The following PID1 variants were observed in gnomAD, a reference collection of about 807,000 sequenced individuals.
PID1 encodes the protein PTB-containing, cubilin and LRP1-interacting protein.
PID1 carries 10 observed loss-of-function variants against 19.1 expected under a neutral mutation model. The observed-to-expected ratio is 0.52, with a 90% CI of 0.32 to 0.89. The LOEUF (loss-of-function observed/expected upper bound fraction) is 0.89. Ranked by LOEUF, PID1 falls within the 40% of genes least tolerant of loss-of-function variation. The pLI is 0.03. For synonymous variants in PID1, 130 were observed against 116.0 expected (o/e 1.12, Z -0.78); for missense variants, 248 against 285.3 (o/e 0.87, Z 0.94).
At chr2:229,129,413 C>CA (rs370442954) in intron 2 of PID1, among the ~76,000 whole-genome samples, 23,765 of 110,326 alleles carry the variant, frequency 0.22, 2,287 homozygotes, top group Middle Eastern at 0.3. Context: ...GACTCCATCT[C>CA]AAAAAAAAAA....
chr2:229,051,829 A>G (rs1694002809), intron 2 of PID1, among the ~76,000 whole-genome samples: 1 of 152,128 alleles, frequency 6.6e-6, no homozygotes, highest in Non-Finnish European at 1.5e-5. Flanking sequence ...TCAGCTCCCA[A>G]TTCTCTTTCT....
intron 2 of PID1, among the ~76,000 whole-genome samples, chr2:229,119,189 T>C (rs1169066255): frequency 6.6e-6 from 1 of 152,254 alleles, no homozygotes; most frequent in African/African-American, 2.4e-5. Context: ...TGGTATTATT[T>C]GCATGCAGCA....
intron 1 of PID1, among the ~76,000 whole-genome samples, chr2:229,172,084 A>G (rs1013465278): frequency 3.3e-5 from 5 of 152,166 alleles, no homozygotes; most frequent in African/African-American, 1.2e-4. Flanking sequence ...GTCTCAGCAA[A>G]TTACAACAGC....
intron 2 of PID1, among the ~76,000 whole-genome samples, chr2:229,050,191 C>A (rs1284157383): frequency 6.6e-6 from 1 of 152,188 alleles, no homozygotes; most frequent in Non-Finnish European, 1.5e-5. Flanking sequence ...TCTTAGCCAA[C>A]CATACAAAAG....
chr2:229,048,882 G>A (rs1264705995), intron 2 of PID1, among the ~76,000 whole-genome samples: 5 of 152,080 alleles, frequency 3.3e-5, no homozygotes, highest in African/African-American at 1.2e-4. Flanking sequence ...CTGTGATTTT[G>A]CTGGGGTTTG....
rs564651212 is a variant in PID1 at position 229,229,202 on chromosome 2, C to T, written c.30+41812G>A. 7.2e-5 allele frequency among the ~76,000 whole-genome samples: 11 copies of T among 152,206 alleles called. No homozygotes were observed. The South Asian group carries it at 2.3e-3, about 32-fold the overall frequency. On this transcript the variant is annotated intron_variant, in intron 1 of 2. Transcript: ENST00000392055. ...ATAAATGACCGGCAATAAAGTCCAC[C>T]CTTGGCTCTAGAGCACACACTTTCT...
At chr2:229,238,390 G>C (rs1689774333) in intron 1 of PID1, among the ~76,000 whole-genome samples, 1 of 152,112 alleles carries the variant, frequency 6.6e-6, no homozygotes, top group Non-Finnish European at 1.5e-5. Context: ...AAAAACCGCA[G>C]GCCAGAGCCC....
chr2:229,107,515 A>AG (rs1253919267), intron 2 of PID1, among the ~76,000 whole-genome samples: 1 of 151,996 alleles, frequency 6.6e-6, no homozygotes, highest in African/African-American at 2.4e-5. Flanking sequence ...AAAAAAAAAA[A>AG]AAAAAGAAAA....
intron 1 of PID1, among the ~76,000 whole-genome samples, chr2:229,222,864 A>AACACACACACACACAC (rs72386398): frequency 1.9e-5 from 2 of 103,904 alleles, no homozygotes; most frequent in African/African-American, 8.8e-5. Context: ...TTCACACACA[A>AACACACACACACACAC]ACACACACAC....
At chr2:229,099,856 T>C (rs1489807007) in intron 2 of PID1, among the ~76,000 whole-genome samples, 3 of 152,240 alleles carry the variant, frequency 2.0e-5, no homozygotes, top group East Asian at 1.9e-4. Flanking sequence ...TTACATTGTA[T>C]AATTGGAACA....
intron 2 of PID1, among the ~76,000 whole-genome samples, chr2:229,142,184 T>G (rs1447723113): frequency 6.6e-6 from 1 of 152,164 alleles, no homozygotes; most frequent in Admixed American, 6.6e-5. Flanking sequence ...TTTATTTATA[T>G]AGTACTGCTC....
At chr2:229,243,313 T>A (rs1372272735) in intron 1 of PID1, among the ~76,000 whole-genome samples, 4 of 152,134 alleles carry the variant, frequency 2.6e-5, no homozygotes, top group Non-Finnish European at 2.9e-5. Context: ...TTGTGGGAGT[T>A]ACAATTCAAG....
chr2:229,167,335 G>C (rs1690619591), intron 1 of PID1, among the ~76,000 whole-genome samples: 1 of 152,080 alleles, frequency 6.6e-6, no homozygotes, highest in South Asian at 2.1e-4. Flanking sequence ...ACATTACCTT[G>C]ACTAAGTGAC....
intron 2 of PID1, among the ~76,000 whole-genome samples, chr2:229,031,214 T>TAAAAAAAAAAAAAAAAAAA (rs1274567780): frequency 4.0e-5 from 1 of 24,974 alleles, no homozygotes; most frequent in African/African-American, 1.8e-4. Context: ...AGACTCTGTC[T>TAAAAAAAAAAAAAAAAAAA]CAAAAAAAAA....
chr2:229,189,075 G>C (rs928280757), intron 1 of PID1, among the ~76,000 whole-genome samples: 2 of 152,210 alleles, frequency 1.3e-5, no homozygotes, highest in African/African-American at 4.8e-5. Context: ...CTCGTGAAGT[G>C]AAAGTTCTCT....
intron 2 of PID1, among the ~76,000 whole-genome samples, chr2:229,067,350 C>A (rs1034314684): frequency 3.3e-5 from 5 of 152,020 alleles, no homozygotes; most frequent in Middle Eastern, 3.2e-3. Context: ...AGCATAAAAT[C>A]ATTACAAGAA....
At chr2:229,186,510 AGCTTGAG>A (rs1691136058) in intron 1 of PID1, among the ~76,000 whole-genome samples, 1 of 152,224 alleles carries the variant, frequency 6.6e-6, no homozygotes, top group Non-Finnish European at 1.5e-5. Context: ...AAGCTGCTAA[AGCTTGAG>A]GCTTTCACCC....
chr2:229,059,224 G>C (rs78481472), intron 2 of PID1, among the ~76,000 whole-genome samples: 3,546 of 152,216 alleles, frequency 0.023, 149 homozygotes, highest in African/African-American at 0.082. Flanking sequence ...GTTAGTTAAA[G>C]TTGTACTATA....
chr2:229,251,944 TAAAAAAAAA>T lies in PID1; in HGVS notation c.30+19061_30+19069del, dbSNP rs11284650. Among the ~76,000 whole-genome samples, 4 of 71,474 alleles carry T rather than the reference TAAAAAAAAA, an allele frequency of 5.6e-5. No homozygotes were observed. In the South Asian group the frequency reaches 2.0e-3, roughly 36 times the overall value. The allele number at this position is 71,474 out of a possible 152,430, so 46.9% of individuals were successfully genotyped here. A position where few individuals can be genotyped will look rare whatever the true frequency, so the allele number is the denominator to read the frequency against. On this transcript the variant is annotated intron_variant, in intron 1 of 2. Coordinates refer to ENST00000392055, the MANE Select transcript of PID1 (RefSeq NM_001100818.2). ...AGATAATGCCCTCTTAACCATAAGCTAAAAAAAAAAAAAAAAAAAGAAAAGCTTAAAAAA... is the reference window on the plus strand; with the variant it reads ...AGATAATGCCCTCTTAACCATAAGCTAAAAAAAAAAGAAAAGCTTAAAAAA...
Sources: gnomAD v4.1 joint callset for allele counts (sites outside exome capture counted in the v4.1 genomes callset) on GRCh38, gnomAD v4.1.1 for gene constraint, MANE v1.5 for transcripts, NCBI Gene and HGNC (gene_info 2026-07-23, HGNC 2026-07-21) for gene names.